Variants in COLEC10 observed in about 807,000 individuals in gnomAD.
COLEC10 encodes the protein collectin-10.
In COLEC10, 22 loss-of-function variants were observed where a neutral mutation model predicts 28.4. The ratio of observed to expected loss-of-function variants is 0.78; its 90% CI spans 0.55 to 1.11. COLEC10 has a LOEUF of 1.11. Among genes scored for constraint, COLEC10 ranks in the 50% least tolerant of loss-of-function variants. The pLI is 0.00. For missense variants in COLEC10, 361 were observed against 344.1 expected, an observed-to-expected ratio of 1.05 and a Z score of -0.39; for synonymous variants, 125 against 116.1, an observed-to-expected ratio of 1.08 and a Z score of -0.49.
the COLEC10 span, among the ~76,000 whole-genome samples, chr8:118,981,288 A>G: frequency 6.6e-6 from 1 of 152,122 alleles, no homozygotes; most frequent in African/African-American, 2.4e-5. Flanking sequence ...CTGCAGAATC[A>G]TGGGCACCAA....
chr8:119,001,322 T>C (rs186785718), intron 1 of COLEC10, among the ~76,000 whole-genome samples: 3 of 152,076 alleles, frequency 2.0e-5, no homozygotes, highest in Non-Finnish European at 4.4e-5. Flanking sequence ...GAAAATGGTG[T>C]TCTGAAGCAA....
chr8:118,998,373 A>G (rs1035266529), intron 1 of COLEC10, among the ~76,000 whole-genome samples: 1 of 152,090 alleles, frequency 6.6e-6, no homozygotes, highest in Admixed American at 6.5e-5. Flanking sequence ...TTCCTATCTA[A>G]AGTTGAGGAA....
chr8:119,033,447 A>T (rs537452553), intron 2 of COLEC10, among the ~76,000 whole-genome samples: 2 of 152,354 alleles, frequency 1.3e-5, no homozygotes, highest in African/African-American at 4.8e-5. Context: ...AACTATCATC[A>T]GGTGAAAAGG....
Position 119,075,266 on chromosome 8 carries a change from T to G in COLEC10, c.148+7837T>G, listed in dbSNP as rs566317972. ...TGGTAACTCTGTTAGCATGGAGTGG[T>G]TAGACTCTTCACATTTCTTCATGAT... On this transcript the variant is annotated intron_variant, in intron 1 of 5. Coordinates refer to ENST00000332843, the MANE Select transcript of COLEC10 (RefSeq NM_006438.5). 5.9e-5 allele frequency among the ~76,000 whole-genome samples: 9 copies of G among 152,334 alleles called. No homozygotes were observed. In the East Asian group the frequency reaches 1.7e-3, roughly 29 times the overall value.
the COLEC10 span, among the ~76,000 whole-genome samples, chr8:118,977,043 C>A: frequency 2.7e-5 from 4 of 150,626 alleles, no homozygotes; most frequent in African/African-American, 9.7e-5. Flanking sequence ...ATCAAAACCA[C>A]AATGAGATAC....
intron 2 of COLEC10, among the ~76,000 whole-genome samples, chr8:119,021,228 A>G (rs1287284819): frequency 6.6e-6 from 1 of 152,210 alleles, no homozygotes; most frequent in Non-Finnish European, 1.5e-5. Flanking sequence ...GTGGAAAGGC[A>G]GATGGTGATT....
At chr8:118,985,239 A>G in the COLEC10 span, among the ~76,000 whole-genome samples, 3 of 152,118 alleles carry the variant, frequency 2.0e-5, no homozygotes, top group Non-Finnish European at 4.4e-5. Flanking sequence ...TAGCAGCCCT[A>G]GGAAATGAAT....
intron 2 of COLEC10, among the ~76,000 whole-genome samples, chr8:119,060,195 T>C (rs1814830145): frequency 6.6e-6 from 1 of 152,010 alleles, no homozygotes; most frequent in Non-Finnish European, 1.5e-5. Context: ...AAACCCACAA[T>C]GACTGTAAGA....
chr8:119,069,474 G>A (rs1429392061), intron 1 of COLEC10, among the ~76,000 whole-genome samples: 1 of 149,686 alleles, frequency 6.7e-6, no homozygotes, highest in Admixed American at 6.7e-5. Flanking sequence ...AGGTGTGGTG[G>A]TGCACACCTG....
chr8:119,030,994 A>G (rs533285842), intron 2 of COLEC10, among the ~76,000 whole-genome samples: 1 of 152,316 alleles, frequency 6.6e-6, no homozygotes, highest in South Asian at 2.1e-4. Flanking sequence ...CCATATCTAA[A>G]GGTCCAACAT....
chr8:119,012,624 T>TA (rs1174086697), intron 2 of COLEC10, among the ~76,000 whole-genome samples: 2 of 150,838 alleles, frequency 1.3e-5, no homozygotes, highest in Non-Finnish European at 2.9e-5. Context: ...TGGAAGGTTA[T>TA]TAATTATTAA....
the COLEC10 span, among the ~76,000 whole-genome samples, chr8:118,964,036 T>C: frequency 3.9e-4 from 59 of 152,290 alleles, no homozygotes; most frequent in African/African-American, 1.4e-3. Flanking sequence ...TTAAAAGTGC[T>C]ATGGAGCAAA....
At position 119,107,930 on chromosome 8, in the gene COLEC10, AG is replaced by A. The variant is rs1274808856; in HGVS notation, c.*1741del. Among the ~76,000 whole-genome samples the A allele has an allele frequency of 3.3e-5, 5 of 152,192 alleles. No homozygotes were observed. The East Asian group carries it at 9.6e-4, about 29-fold the overall frequency. On this transcript the variant is annotated 3_prime_UTR_variant, in exon 6 of 6. Transcript: ENST00000332843. The stretch of plus-strand genomic sequence containing the variant: ...AAAATTAATTAAAATTAAAGATTTG[AG>A]GTCAAAAGTCTTCTAGCTAAAGTTG...
chr8:119,064,568 G>A (rs1447404946), upstream of COLEC10, among the ~76,000 whole-genome samples: 1 of 152,156 alleles, frequency 6.6e-6, no homozygotes, highest in Non-Finnish European at 1.5e-5. Context: ...TTGACATTAT[G>A]TGATTTGCTC....
At chr8:119,085,609 TTTTTTTTTTTTTTG>T (rs1815463933) in intron 1 of COLEC10, among the ~76,000 whole-genome samples, 1 of 103,938 alleles carries the variant, frequency 9.6e-6, no homozygotes, top group African/African-American at 3.2e-5. Flanking sequence ...CTTTTTTTTT[TTTTTTTTTTTTTTG>T]TTGTTGTTGT....
intron 2 of COLEC10, among the ~76,000 whole-genome samples, chr8:119,029,082 GTAA>G (rs1199267548): frequency 1.7e-4 from 26 of 152,160 alleles, no homozygotes; most frequent in African/African-American, 6.0e-4. Context: ...TGTGCAACAT[GTAA>G]CAGGGGCACC....
chr8:118,957,480 A>C, the COLEC10 span, among the ~76,000 whole-genome samples: 1 of 152,208 alleles, frequency 6.6e-6, no homozygotes, highest in Admixed American at 6.5e-5. Flanking sequence ...AGTAAAGTCA[A>C]TGAGGCTAAG....
In COLEC10 at chr8:119,002,592, C is replaced by A. The variant is rs367603985; in HGVS notation, n.123-6849C>A. Among the ~76,000 whole-genome samples, 14 of 152,206 alleles carry A rather than the reference C, an allele frequency of 9.2e-5. No homozygotes were observed. In the East Asian group the frequency reaches 2.3e-3, roughly 25 times the overall value. On this transcript the variant is annotated intron_variant and non_coding_transcript_variant, in intron 1 of 6. Coordinates refer to the COLEC10 transcript ENST00000521788. ...AATGAACTAGAATAAGTAGGATAAT[C>A]TAGGCCAAATTTTCTGAATGATGGC...
intron 2 of COLEC10, among the ~76,000 whole-genome samples, chr8:119,089,991 G>A (rs1053296129): frequency 2.0e-5 from 3 of 152,192 alleles, no homozygotes; most frequent in African/African-American, 7.2e-5. Flanking sequence ...GACACTGGGA[G>A]CCCCAGGGAA....
Sources: gnomAD v4.1 joint callset for allele counts (sites outside exome capture counted in the v4.1 genomes callset) on GRCh38, gnomAD v4.1.1 for gene constraint, MANE v1.5 for transcripts, NCBI Gene and HGNC (gene_info 2026-07-23, HGNC 2026-07-21) for gene names.